ADARB1: variants seen among roughly 807,000 people sequenced by gnomAD.
ADARB1 encodes the protein double-stranded RNA-specific editase 1.
A neutral mutation model predicts 52.4 loss-of-function variants in ADARB1; 10 were observed. That is an observed-to-expected ratio of 0.19 (90% confidence interval 0.12 to 0.32). The LOEUF (loss-of-function observed/expected upper bound fraction) is 0.32. Ranked by LOEUF, ADARB1 falls within the 10% of genes least tolerant of loss-of-function variation. The probability of loss-of-function intolerance (pLI) is 1.00; values close to 1 mark genes in which losing one functional copy is unlikely to be tolerated. For synonymous variants in ADARB1, 349 were observed against 371.1 expected, an observed-to-expected ratio of 0.94 and a Z score of 0.68; for missense variants, 643 against 922.3, an observed-to-expected ratio of 0.70 and a Z score of 3.92.
chr21:45,115,352 G>A (rs553043375), intron 1 of ADARB1, among the ~76,000 whole-genome samples: 19 of 152,268 alleles, frequency 1.2e-4, no homozygotes, highest in Admixed American at 1.2e-3. Context: ...ATGCTGGGCT[G>A]CTGTGATGGG....
chr21:45,206,151 A>G (rs552479595), intron 9 of ADARB1, among the ~76,000 whole-genome samples: 4 of 152,308 alleles, frequency 2.6e-5, no homozygotes, highest in Admixed American at 1.3e-4. Flanking sequence ...GATTCAGAAA[A>G]TTTCCCTCTT....
chr21:45,119,358 T>C (rs2088017925), intron 1 of ADARB1, among the ~76,000 whole-genome samples: 1 of 152,246 alleles, frequency 6.6e-6, no homozygotes, highest in Non-Finnish European at 1.5e-5. Context: ...CCCAAAGTGC[T>C]GAGCACACCA....
intron 1 of ADARB1, among the ~76,000 whole-genome samples, chr21:45,103,478 G>A (rs2087114910): frequency 6.6e-6 from 1 of 151,760 alleles, no homozygotes; most frequent in South Asian, 2.1e-4. Context: ...TCCCATCGGG[G>A]GTAAGGGGAG....
At chr21:45,085,978 A>T (rs1398636231) in intron 1 of ADARB1, among the ~76,000 whole-genome samples, 1 of 152,172 alleles carries the variant, frequency 6.6e-6, no homozygotes, top group African/African-American at 2.4e-5. Flanking sequence ...GATAGATTTT[A>T]GTTCTGTTTA....
chr21:45,184,996 G>A lies in ADARB1; in HGVS notation c.1470G>A (p.Thr490=), dbSNP rs1477763278. Residue 490 remains threonine (T), a synonymous_variant, in exon 8 of 11, where the codon ACG becomes ACA. Transcript: ENST00000348831. ...LRTKIESGEG[T]IPVRSNASIQ... is the part of the protein sequence containing the mutation. Reference sequence around the variant, plus strand: ...CCAAAATAGAGTCTGGTGAGGGGACGATTCCAGTGCGCTCCAATGCGAGCA... The same window carrying A: ...CCAAAATAGAGTCTGGTGAGGGGACAATTCCAGTGCGCTCCAATGCGAGCA... The A allele has an allele frequency of 8.1e-6, 13 of 1,614,062 alleles. No individual in the cohort carries two copies. Among genetic ancestry groups the A allele is most frequent in the East Asian group, 2.2e-5 (1 of 44,900 alleles).
chr21:45,168,296 A>G (rs771344745), intron 2 of ADARB1, among the ~76,000 whole-genome samples: 1 of 152,124 alleles, frequency 6.6e-6, no homozygotes, highest in Non-Finnish European at 1.5e-5. Flanking sequence ...TCTTTTTAAC[A>G]GGGACGTTTG....
chr21:45,101,313 C>T (rs918703736), intron 1 of ADARB1, among the ~76,000 whole-genome samples: 4 of 152,176 alleles, frequency 2.6e-5, no homozygotes, highest in African/African-American at 7.2e-5. Context: ...CCCGCAGCCC[C>T]GCGCCTGGCG....
At chr21:45,104,868 T>C (rs953430716) in intron 1 of ADARB1, among the ~76,000 whole-genome samples, 1 of 152,200 alleles carries the variant, frequency 6.6e-6, no homozygotes. Context: ...TCTAGATGTT[T>C]ATGACACTGA....
In ADARB1 at chr21:45,224,303, T is replaced by C. The variant is rs1235494305; in HGVS notation, c.*2106T>C. 2.0e-6 allele frequency: 2 copies of C among 985,422 alleles called. No individual in the cohort carries two copies. The highest frequency in any genetic ancestry group is 3.5e-5 in the African/African-American group (2 of 57,250). 61.0% of individuals were successfully genotyped at this position (985,422 alleles called of 1,614,324 possible). On this transcript the variant is annotated 3_prime_UTR_variant, in exon 11 of 11. Transcript: ENST00000348831. ...CAGGTAATAGCTAAAGTCAGCATGA[T>C]TGCTCCCTGTACCACCCCAAATAAG...
chr21:45,098,258 G>T (rs1243901861), intron 1 of ADARB1, among the ~76,000 whole-genome samples: 1 of 148,406 alleles, frequency 6.7e-6, no homozygotes. Context: ...GCTTGACCCG[G>T]CTCCCATCTG....
intron 1 of ADARB1, among the ~76,000 whole-genome samples, chr21:45,090,590 A>G (rs528669440): frequency 3.9e-5 from 6 of 152,216 alleles, no homozygotes; most frequent in African/African-American, 1.2e-4. Flanking sequence ...ATGAACAGGT[A>G]TAAGTATACC....
chr21:45,091,534 G>T (rs2086560865), intron 1 of ADARB1, among the ~76,000 whole-genome samples: 1 of 152,150 alleles, frequency 6.6e-6, no homozygotes, highest in South Asian at 2.1e-4. Context: ...GACATCATGA[G>T]ACCTTATTCC....
chr21:45,193,488 A>G (rs1394794635), intron 8 of ADARB1, among the ~76,000 whole-genome samples: 3 of 110,730 alleles, frequency 2.7e-5, no homozygotes, highest in Non-Finnish European at 6.4e-5. Flanking sequence ...ACAAAACAAG[A>G]TTGTCTGCTC....
chr21:45,165,095 A>G (rs1328480074), intron 2 of ADARB1, among the ~76,000 whole-genome samples: 2 of 151,036 alleles, frequency 1.3e-5, no homozygotes, highest in Non-Finnish European at 3.0e-5. Flanking sequence ...CCGCCCAGCC[A>G]CCCTAGAGTT....
At position 45,225,476 on chromosome 21, in the gene ADARB1, T is replaced by C; in HGVS notation, c.*3279T>C. 1 of 1,312,128 alleles carries C rather than the reference T, an allele frequency of 7.6e-7. No homozygotes were observed. Among genetic ancestry groups the C allele is most frequent in the Non-Finnish European group, 9.8e-7 (1 of 1,021,740 alleles). The allele number at this position is 1,312,128 out of a possible 1,614,324, so 81.3% of individuals were successfully genotyped here. ...GAATTTATTTTTATTCAAATAACCA[T>C]ATTTATCTCCAGGCTGTGGAATCGC... On this transcript the variant is annotated 3_prime_UTR_variant, in exon 11 of 11. Transcript: ENST00000348831.
chr21:45,109,565 C>T (rs536840324), intron 1 of ADARB1, among the ~76,000 whole-genome samples: 1 of 152,360 alleles, frequency 6.6e-6, no homozygotes, highest in African/African-American at 2.4e-5. Flanking sequence ...GCGCACGGGG[C>T]TCTGCGCCCC....
chr21:45,189,184 G>A (rs1569142726), intron 8 of ADARB1, among the ~76,000 whole-genome samples: 1 of 151,994 alleles, frequency 6.6e-6, no homozygotes, highest in South Asian at 2.1e-4. Context: ...ATATCTATAG[G>A]ATTCTCATTT....
In ADARB1 at chr21:45,225,485, C is replaced by T. The variant is rs1194640910; in HGVS notation, c.*3288C>T. 5 of 1,313,650 alleles carry T rather than the reference C, an allele frequency of 3.8e-6. No individual in the cohort carries two copies. Among genetic ancestry groups the T allele is most frequent in the Non-Finnish European group, 4.9e-6 (5 of 1,022,104 alleles). 81.4% of individuals were successfully genotyped at this position (1,313,650 alleles called of 1,614,324 possible). A position where few individuals can be genotyped will look rare whatever the true frequency, so the allele number is the denominator to read the frequency against. ...TTTATTCAAATAACCATATTTATCT[C>T]CAGGCTGTGGAATCGCCACTTTCTT... On this transcript the variant is annotated 3_prime_UTR_variant, in exon 11 of 11. Coordinates refer to ENST00000348831, the MANE Select transcript of ADARB1 (RefSeq NM_001112.4).
intron 4 of ADARB1, among the ~76,000 whole-genome samples, chr21:45,179,087 G>A (rs558542872): frequency 6.6e-6 from 1 of 151,946 alleles, no homozygotes; most frequent in East Asian, 1.9e-4. Context: ...TTTCCCTCTG[G>A]CACCCTGGCC....
Sources: gnomAD v4.1 joint callset for allele counts (sites outside exome capture counted in the v4.1 genomes callset) on GRCh38, gnomAD v4.1.1 for gene constraint, MANE v1.5 for transcripts, NCBI Gene and HGNC (gene_info 2026-07-23, HGNC 2026-07-21) for gene names.